FBXO42: variants seen among roughly 807,000 people sequenced by gnomAD.
The protein encoded by FBXO42 is F-box only protein 42.
Under a neutral mutation model 71.7 loss-of-function variants are expected in FBXO42, and 12 were observed. The observed-to-expected ratio is 0.17, with a 90% CI of 0.11 to 0.27. The LOEUF (loss-of-function observed/expected upper bound fraction) is 0.27. Among genes scored for constraint, FBXO42 ranks in the 10% least tolerant of loss-of-function variants. The probability of loss-of-function intolerance (pLI) is 1.00; values close to 1 mark genes in which losing one functional copy is unlikely to be tolerated. For synonymous variants in FBXO42, 325 were observed against 327.5 expected, an observed-to-expected ratio of 0.99 and a Z score of 0.08; for missense variants, 707 against 911.9, an observed-to-expected ratio of 0.78 and a Z score of 2.89.
chr1:16,291,735 AAT>A (rs1330317329), intron 4 of FBXO42, among the ~76,000 whole-genome samples: 4 of 152,048 alleles, frequency 2.6e-5, no homozygotes, highest in Admixed American at 2.0e-4. Flanking sequence ...GCAGTGGAGC[AAT>A]CATCACTCAC....
At chr1:16,305,655 A>C (rs2082242274) in intron 3 of FBXO42, 148 bp downstream of exon 3, 1 of 675,646 alleles carries the variant, frequency 1.5e-6, no homozygotes, top group Non-Finnish European at 2.6e-6. Context: ...TGGAGGCTGT[A>C]GTAAGCTGTG....
chr1:16,325,863 T>C (rs956062241), intron 1 of FBXO42, among the ~76,000 whole-genome samples: 20 of 152,106 alleles, frequency 1.3e-4, no homozygotes, highest in African/African-American at 4.8e-4. Context: ...TGACCTCAGG[T>C]GATCTGCCCA....
rs763393594 is a variant in FBXO42, at chr1:16,251,655, C to T, written c.1169G>A (p.Arg390His). The change falls in exon 10 of 10, where the codon CGC (arginine) becomes CAC (histidine). Residue 390 changes from arginine (R) to histidine (H), a missense_variant. Arg to His is a conservative substitution (Grantham distance 29, BLOSUM62 0). Transcript: ENST00000375592. The surrounding 1 kb of genome is among the most constrained non-coding windows in gnomAD (Gnocchi z 4.5). ...CATGCTTCTTACTGGAGACTGAGAG[C>T]GGTACTCTCGGGTTTCAGGAACGAG... ...PALVPETREY[R>H]SQSPVRSMDE... 2.2e-5 allele frequency: 36 copies of T among 1,614,006 alleles called. No homozygotes were observed. Among genetic ancestry groups the T allele is most frequent in the South Asian group, 6.6e-5 (6 of 91,072 alleles).
At chr1:16,290,733 G>T (rs1249180303) in intron 4 of FBXO42, among the ~76,000 whole-genome samples, 4 of 150,820 alleles carry the variant, frequency 2.7e-5, no homozygotes, top group Non-Finnish European at 5.9e-5. Flanking sequence ...TCTGCTACAT[G>T]AAAACACACT....
chr1:16,323,548 G>C (rs111392027), intron 1 of FBXO42, among the ~76,000 whole-genome samples: 3,909 of 151,938 alleles, frequency 0.026, 142 homozygotes, highest in African/African-American at 0.09. Context: ...TGTAATCCCA[G>C]CACTTTGGGA....
At chr1:16,311,487 C>CAAAA (rs138051911) in intron 2 of FBXO42, among the ~76,000 whole-genome samples, 4 of 110,760 alleles carry the variant, frequency 3.6e-5, no homozygotes, top group African/African-American at 6.7e-5. Context: ...GATCTTGTCT[C>CAAAA]AAAAAAAAAA....
At chr1:16,336,858 G>A (rs1048471016) in intron 1 of FBXO42, among the ~76,000 whole-genome samples, 1 of 151,966 alleles carries the variant, frequency 6.6e-6, no homozygotes, top group Non-Finnish European at 1.5e-5. Context: ...GGTGGCAAAC[G>A]CCCGTAATTC....
chr1:16,341,136 T>TA (rs1387019685), intron 1 of FBXO42, among the ~76,000 whole-genome samples: 2 of 152,162 alleles, frequency 1.3e-5, no homozygotes, highest in African/African-American at 4.8e-5. Flanking sequence ...GAGCAGCGTA[T>TA]ATAGTAGGAA....
chr1:16,318,196 A>G (rs1229367101), intron 1 of FBXO42, among the ~76,000 whole-genome samples: 2 of 152,158 alleles, frequency 1.3e-5, no homozygotes, highest in Non-Finnish European at 2.9e-5. Flanking sequence ...AGGCGGGTGG[A>G]TCACCTGAGG....
At chr1:16,291,366 G>A (rs2082075787) in intron 4 of FBXO42, among the ~76,000 whole-genome samples, 1 of 151,890 alleles carries the variant, frequency 6.6e-6, no homozygotes, top group Admixed American at 6.6e-5. Flanking sequence ...AGAATCTCAT[G>A]GGACTTTTTT....
At chr1:16,337,014 T>C (rs1314590063) in intron 1 of FBXO42, among the ~76,000 whole-genome samples, 2 of 152,114 alleles carry the variant, frequency 1.3e-5, no homozygotes, top group Admixed American at 1.3e-4. Context: ...ATTTCTGCAA[T>C]TGGACTGTCT....
intron 2 of FBXO42, among the ~76,000 whole-genome samples, chr1:16,309,729 C>T (rs528007730): frequency 6.6e-6 from 1 of 151,788 alleles, no homozygotes; most frequent in African/African-American, 2.4e-5. Context: ...GACCCTGTCT[C>T]GACAAAGTAT....
At chr1:16,350,147 T>C (rs1187126711) in intron 1 of FBXO42, among the ~76,000 whole-genome samples, 1 of 152,078 alleles carries the variant, frequency 6.6e-6, no homozygotes, top group Non-Finnish European at 1.5e-5. Flanking sequence ...CCTGTTCTTT[T>C]TGTAACTAAG....
chr1:16,276,877 G>C (rs2081910036), intron 4 of FBXO42, among the ~76,000 whole-genome samples: 1 of 152,206 alleles, frequency 6.6e-6, no homozygotes, highest in African/African-American at 2.4e-5. Context: ...TCTAAGAAAT[G>C]TCACTGCTTA....
chr1:16,321,080 A>G (rs1224464471), intron 1 of FBXO42, among the ~76,000 whole-genome samples: 3 of 152,180 alleles, frequency 2.0e-5, no homozygotes, highest in Non-Finnish European at 4.4e-5. Context: ...TCTCTTTCCA[A>G]ATTGTCTTAA....
intron 1 of FBXO42, among the ~76,000 whole-genome samples, chr1:16,350,749 A>AGAAAGACAAGAAAGACAAAGAAAG (rs148379808): frequency 4.2e-5 from 2 of 48,118 alleles, no homozygotes; most frequent in Non-Finnish European, 7.3e-5. Context: ...ACTGCAAAAA[A>AGAAAGACAAGAAAGACAAAGAAAG]AAAAAAAAAA....
intron 4 of FBXO42, chr1:16,293,696 G>A (rs1557588361): frequency 1.3e-5 from 2 of 152,208 alleles, no homozygotes; most frequent in South Asian, 2.1e-4. Context: ...TTTTAGGGAA[G>A]CAAAATGCAG....
At chr1:16,340,381 C>T (rs1470598357) in intron 1 of FBXO42, among the ~76,000 whole-genome samples, 1 of 151,814 alleles carries the variant, frequency 6.6e-6, no homozygotes, top group Non-Finnish European at 1.5e-5. Context: ...TGAAATAGTG[C>T]CATCTCGGCT....
intron 1 of FBXO42, among the ~76,000 whole-genome samples, chr1:16,326,218 G>A (rs2082449452): frequency 6.6e-6 from 1 of 151,242 alleles, no homozygotes; most frequent in African/African-American, 2.4e-5. Flanking sequence ...AGCATGCCCG[G>A]CTAATTTTGT....
Sources: allele counts gnomAD v4.1 joint callset (sites outside exome capture counted in the v4.1 genomes callset), GRCh38; gene constraint gnomAD v4.1.1; non-coding constraint Gnocchi (gnomAD v3.1); transcripts MANE v1.5; gene names NCBI Gene and HGNC (gene_info 2026-07-23, HGNC 2026-07-21).